AUTS2: variants seen among roughly 807,000 people sequenced by gnomAD.
AUTS2 encodes activator of transcription and developmental regulator AUTS2.
AUTS2 carries 17 observed loss-of-function variants against 112.4 expected under a neutral mutation model. The ratio of observed to expected loss-of-function variants is 0.15; its 90% CI spans 0.10 to 0.23. The LOEUF (loss-of-function observed/expected upper bound fraction) is 0.23, where lower values mean the gene tolerates loss of function less well. Among genes scored for constraint, AUTS2 ranks in the 10% least tolerant of loss-of-function variants. The pLI, the probability that AUTS2 is intolerant of heterozygous loss-of-function variation, is 1.00. For missense variants in AUTS2, 1,510 were observed against 1,701.6 expected, an observed-to-expected ratio of 0.89 and a Z score of 1.98; for synonymous variants, 751 against 702.7, an observed-to-expected ratio of 1.07 and a Z score of -1.09.
Position 69,883,411 on chromosome 7 carries a change from T to G in AUTS2, c.310-15875T>G, listed in dbSNP as rs1471788777. On this transcript the variant is annotated intron_variant, in intron 1 of 18. Coordinates refer to ENST00000342771, the MANE Select transcript of AUTS2 (RefSeq NM_015570.4). ...GATAACTGCTGAGAAGAAAACTGAT[T>G]GCTCTGTGTAAATCAGTATGCTGAT... Among the ~76,000 whole-genome samples, 3 of 152,132 alleles carry G rather than the reference T, an allele frequency of 2.0e-5. No individual in the cohort carries two copies. The East Asian group carries it at 5.8e-4, about 29-fold the overall frequency.
At chr7:69,986,585 C>G (rs912126723) in intron 2 of AUTS2, among the ~76,000 whole-genome samples, 3 of 152,184 alleles carry the variant, frequency 2.0e-5, no homozygotes, top group African/African-American at 7.2e-5. Flanking sequence ...TCCAGTATTC[C>G]TGAGGGTCTT....
At chr7:69,950,727 G>T (rs1796992694) in intron 2 of AUTS2, among the ~76,000 whole-genome samples, 1 of 152,154 alleles carries the variant, frequency 6.6e-6, no homozygotes, top group Non-Finnish European at 1.5e-5. Flanking sequence ...GCTGTATACG[G>T]ATTTTCTAGG....
At chr7:69,905,484 CTG>C (rs1266462559) in intron 2 of AUTS2, among the ~76,000 whole-genome samples, 9 of 152,084 alleles carry the variant, frequency 5.9e-5, no homozygotes. Context: ...AGGCCTGAGA[CTG>C]GGGTAGTCCT....
intron 5 of AUTS2, among the ~76,000 whole-genome samples, chr7:70,539,744 G>A (rs544696501): frequency 5.3e-4 from 80 of 152,308 alleles, no homozygotes; most frequent in African/African-American, 1.9e-3. Context: ...ATGGGCGTCT[G>A]TGGGAGAGTG....
intron 5 of AUTS2, among the ~76,000 whole-genome samples, chr7:70,611,341 G>C (rs1352263521): frequency 6.6e-6 from 1 of 152,224 alleles, no homozygotes; most frequent in East Asian, 1.9e-4. Context: ...CTGCGGTCTA[G>C]AATGTGGACA....
intron 2 of AUTS2, among the ~76,000 whole-genome samples, chr7:69,917,289 CT>C (rs11313164): frequency 0.34 from 44,774 of 132,960 alleles, 6,564 homozygotes; most frequent in African/African-American, 0.42. Flanking sequence ...CTTTTTTTTT[CT>C]TTTTTTTTTT....
intron 4 of AUTS2, among the ~76,000 whole-genome samples, chr7:70,382,437 C>T (rs1793411136): frequency 6.6e-6 from 1 of 152,140 alleles, no homozygotes; most frequent in Non-Finnish European, 1.5e-5. Context: ...CACACACTCT[C>T]TCTTGCTTTT....
At chr7:70,732,080 C>T (rs897637046) in intron 6 of AUTS2, among the ~76,000 whole-genome samples, 1 of 152,074 alleles carries the variant, frequency 6.6e-6, no homozygotes, top group East Asian at 1.9e-4. Flanking sequence ...GGTGTTGCAT[C>T]TGAGTGAAAA....
chr7:70,739,060 C>T (rs973143291), intron 6 of AUTS2, among the ~76,000 whole-genome samples: 1 of 120,840 alleles, frequency 8.3e-6, no homozygotes, highest in Non-Finnish European at 1.6e-5. Flanking sequence ...GGGTCTTGCT[C>T]TGTTGCCCAG....
chr7:70,151,884 A>G (rs1201725320), intron 4 of AUTS2, among the ~76,000 whole-genome samples: 1 of 152,232 alleles, frequency 6.6e-6, no homozygotes. Flanking sequence ...AATAAGACCC[A>G]TAATGAAGAG....
At chr7:70,773,917 GAAAC>G (rs1283713190) in intron 11 of AUTS2, 107 bp from the exon 12 acceptor site, 9 of 1,024,426 alleles carry the variant, frequency 8.8e-6, no homozygotes, top group Admixed American at 4.0e-5. Flanking sequence ...GTTTCAGAAG[GAAAC>G]AAACAAATGA....
chr7:70,376,001 T>G (rs1585073941), intron 4 of AUTS2, among the ~76,000 whole-genome samples: 1 of 148,286 alleles, frequency 6.7e-6, no homozygotes. Flanking sequence ...AACGGAGGAG[T>G]AGTTTGTTTT....
intron 4 of AUTS2, among the ~76,000 whole-genome samples, chr7:70,192,647 A>G (rs1230365368): frequency 1.3e-5 from 2 of 152,184 alleles, no homozygotes; most frequent in Non-Finnish European, 2.9e-5. Context: ...AGTGCTGGTC[A>G]CCTTAGCCTG....
intron 5 of AUTS2, among the ~76,000 whole-genome samples, chr7:70,651,686 A>T (rs920947549): frequency 6.6e-6 from 1 of 152,336 alleles, no homozygotes; most frequent in Non-Finnish European, 1.5e-5. Flanking sequence ...TATTGCTTTC[A>T]TACCAGCATA....
rs897584432 is a variant in AUTS2 at position 69,792,623 on chromosome 7, C to T, written c.310-106663C>T. Reference sequence around the variant, plus strand: ...TACTTTCTCTGTGCACATATACTGCCTCTCACCCCAAATAATTTTTGATAC... The same window carrying T: ...TACTTTCTCTGTGCACATATACTGCTTCTCACCCCAAATAATTTTTGATAC... On this transcript the variant is annotated intron_variant, in intron 1 of 18. Transcript: ENST00000342771. Among the ~76,000 whole-genome samples, 10 of 152,132 alleles carry T rather than the reference C, an allele frequency of 6.6e-5. 1 individual carries two copies. The highest frequency in any genetic ancestry group is 3.2e-3 in the Middle Eastern group (1 of 316).
chr7:69,921,337 T>G (rs1222951363), intron 2 of AUTS2, among the ~76,000 whole-genome samples: 3 of 149,162 alleles, frequency 2.0e-5, no homozygotes, highest in African/African-American at 5.0e-5. Context: ...GTTTTTTTTT[T>G]TTTTTTTTTT....
chr7:69,902,935 A>T (rs1057024549), intron 2 of AUTS2, among the ~76,000 whole-genome samples: 1 of 152,216 alleles, frequency 6.6e-6, no homozygotes, highest in Non-Finnish European at 1.5e-5. Context: ...AGAAATTTGA[A>T]TACTTTTCTT....
chr7:70,732,817 G>A (rs1357389130), intron 6 of AUTS2, among the ~76,000 whole-genome samples: 2 of 152,192 alleles, frequency 1.3e-5, no homozygotes, highest in African/African-American at 4.8e-5. Flanking sequence ...TCGTACTGAA[G>A]TACATTATGC....
chr7:70,137,590 T>A (rs1048998974), intron 4 of AUTS2, among the ~76,000 whole-genome samples: 1 of 152,144 alleles, frequency 6.6e-6, no homozygotes, highest in African/African-American at 2.4e-5. Flanking sequence ...AATTAAGAAC[T>A]TAGAGGCAGA....
Sources: gnomAD v4.1 joint callset for allele counts (sites outside exome capture counted in the v4.1 genomes callset) on GRCh38, gnomAD v4.1.1 for gene constraint, MANE v1.5 for transcripts, NCBI Gene and HGNC (gene_info 2026-07-23, HGNC 2026-07-21) for gene names.